The following PCDHGA10 variants were observed in gnomAD, a reference collection of about 807,000 sequenced individuals.
The protein encoded by PCDHGA10 is protocadherin gamma subfamily A, 10.
PCDHGA10 carries 42 observed loss-of-function variants against 59.5 expected under a neutral mutation model. The ratio of observed to expected loss-of-function variants is 0.71; its 90% CI spans 0.55 to 0.91. The LOEUF (loss-of-function observed/expected upper bound fraction) is 0.91, where lower values mean the gene tolerates loss of function less well. Among genes scored for constraint, PCDHGA10 ranks in the 40% least tolerant of loss-of-function variants. The pLI, the probability that PCDHGA10 is intolerant of heterozygous loss-of-function variation, is 0.00. For synonymous variants in PCDHGA10, 511 were observed against 517.2 expected, an observed-to-expected ratio of 0.99 and a Z score of 0.16; for missense variants, 1,111 against 1,198.2, an observed-to-expected ratio of 0.93 and a Z score of 1.07.
At chr5:141,468,428 T>C (rs936671539) in intron 1 of PCDHGA10, 11 of 151,374 alleles carry the variant, frequency 7.3e-5, no homozygotes, top group Non-Finnish European at 1.3e-4. Context: ...AGCAAGGTAA[T>C]AGCAAAATGT....
rs748105196 is a variant in PCDHGA10 at position 141,486,849 on chromosome 5, A to G, written c.2437-7958A>G. ...GTTCGTCTATTTGTGCTGGACCTCA[A>G]TGACAATGCTCCAGCTGTGCTCCGT... is the stretch of plus-strand genomic sequence containing the variant. On this transcript the variant is annotated intron_variant, in intron 1 of 3. Coordinates refer to ENST00000398610, the MANE Select transcript of PCDHGA10 (RefSeq NM_018913.3). The surrounding 1 kb of genome is among the most constrained non-coding windows in gnomAD (Gnocchi z 5.0). 4.3e-6 allele frequency: 7 copies of G among 1,614,110 alleles called. No individual in the cohort carries two copies. The highest frequency in any genetic ancestry group is 5.1e-6 in the Non-Finnish European group (6 of 1,180,036).
chr5:141,492,616 G>A (rs976681246), intron 1 of PCDHGA10, among the ~76,000 whole-genome samples: 1 of 152,252 alleles, frequency 6.6e-6, no homozygotes. Flanking sequence ...CTAAGTGCCG[G>A]GCGGGCAGGA....
In PCDHGA10 at chr5:141,432,399, C is replaced by T. The variant is rs2097496727; in HGVS notation, c.2436+16788C>T. ...CACCCGCCCCTCAGCAGCAACGTGT[C>T]GTTGAGCCTGTTCGTGCTGGACCAG... is the stretch of plus-strand genomic sequence containing the variant. On this transcript the variant is annotated intron_variant, in intron 1 of 3. Coordinates refer to ENST00000398610, the MANE Select transcript of PCDHGA10 (RefSeq NM_018913.3). This position sits in a 1 kb window ranked among gnomAD's most constrained non-coding sequence, Gnocchi z 6.0. 1.2e-6 allele frequency: 2 copies of T among 1,614,240 alleles called. No homozygotes were observed. Among genetic ancestry groups the T allele is most frequent in the Non-Finnish European group, 1.7e-6 (2 of 1,180,040 alleles).
Position 141,481,023 on chromosome 5 carries a change from A to G in PCDHGA10, c.2437-13784A>G, listed in dbSNP as rs546827260. On this transcript the variant is annotated intron_variant, in intron 1 of 3. Transcript: ENST00000398610. ...CAGTGAGCCCAGATCACACCACTGC[A>G]CTCCAGCCTGGGCGACAGAGCGAGA... Among the ~76,000 whole-genome samples the G allele has an allele frequency of 9.0e-4, 137 of 152,218 alleles. 1 individual carries two copies. The highest frequency in any genetic ancestry group is 3.2e-3 in the African/African-American group (132 of 41,516).
intron 1 of PCDHGA10, chr5:141,423,750 TGGGGGG>T: frequency 3.5e-6 from 1 of 287,482 alleles, no homozygotes; most frequent in Non-Finnish European, 4.5e-6. Flanking sequence ...GAAAACTGTT[TGGGGGG>T]GGGGTGGGGC....
chr5:141,417,566 C>G, intron 1 of PCDHGA10: 1 of 362,746 alleles, frequency 2.8e-6, no homozygotes. Context: ...AGAGAAAAGT[C>G]AAGTTGCAGT....
chr5:141,498,294 G>A (rs2099782964), intron 2 of PCDHGA10, among the ~76,000 whole-genome samples: 1 of 151,910 alleles, frequency 6.6e-6, no homozygotes, highest in African/African-American at 2.4e-5. Flanking sequence ...GATCAAGCCA[G>A]CTCTGGGTCA....
rs192631651 is a variant in PCDHGA10, at chr5:141,432,052, C to G, written c.2436+16441C>G. On this transcript the variant is annotated intron_variant, in intron 1 of 3. Transcript: ENST00000398610. The surrounding 1 kb of genome is among the most constrained non-coding windows in gnomAD (Gnocchi z 6.0). Reference sequence around the variant, plus strand: ...CCGCCACTGACCGGGGAACCCCGCCCCTATCCACGGAAACTCATATCTCGC... The same window carrying G: ...CCGCCACTGACCGGGGAACCCCGCCGCTATCCACGGAAACTCATATCTCGC... The G allele has an allele frequency of 8.1e-6, 13 of 1,614,226 alleles. No homozygotes were observed. In the Admixed American group the frequency reaches 1.8e-4, roughly 23 times the overall value.
rs746539261 is a variant in PCDHGA10, at chr5:141,415,336, C to A, written c.2161C>A (p.Arg721=). Residue 721 remains arginine, a synonymous_variant, in exon 1 of 4, where the codon CGG becomes AGG. Transcript: ENST00000398610. ...CATCGTGCTGCTGGCGCACAGGCTG[C>A]GGCGCTGGCACAAGTCACGCCTGCT... ...FVIVLLAHRL[R]RWHKSRLLQA... 7 of 1,614,200 alleles carry A rather than the reference C, an allele frequency of 4.3e-6. 1 individual carries two copies. The South Asian group carries it at 7.7e-5, about 18-fold the overall frequency.
At chr5:141,456,453 A>G (rs1395554812) in intron 1 of PCDHGA10, among the ~76,000 whole-genome samples, 1 of 152,190 alleles carries the variant, frequency 6.6e-6, no homozygotes, top group Non-Finnish European at 1.5e-5. Flanking sequence ...GAGTCCAAAT[A>G]TCAATACAAG....
At chr5:141,502,710 C>T (rs2099815750) in intron 2 of PCDHGA10, among the ~76,000 whole-genome samples, 1 of 152,168 alleles carries the variant, frequency 6.6e-6, no homozygotes, top group South Asian at 2.1e-4. Context: ...GTTTTTACAT[C>T]AGTGATTACA....
rs113107293 is a variant in PCDHGA10, at chr5:141,432,844, A to G, written c.2436+17233A>G. ...CAGACCTCACTCTGTACCTGGTGGTAGCGGTGGCCGCGGTCTCCTGCGTCT... is the reference window on the plus strand; with the variant it reads ...CAGACCTCACTCTGTACCTGGTGGTGGCGGTGGCCGCGGTCTCCTGCGTCT... On this transcript the variant is annotated intron_variant, in intron 1 of 3. Coordinates refer to ENST00000398610, the MANE Select transcript of PCDHGA10 (RefSeq NM_018913.3). This position sits in a 1 kb window ranked among gnomAD's most constrained non-coding sequence, Gnocchi z 6.0. 0.01 allele frequency: 16,860 copies of G among 1,614,178 alleles called. 121 individuals carry two copies. Among genetic ancestry groups the G allele is most frequent in the Non-Finnish European group, 0.012 (14,441 of 1,180,006 alleles).
chr5:141,483,013 A>C (rs2154579792), intron 1 of PCDHGA10, among the ~76,000 whole-genome samples: 1 of 152,106 alleles, frequency 6.6e-6, no homozygotes, highest in Middle Eastern at 3.4e-3. Flanking sequence ...TGAACCCGGG[A>C]GGCAGAGGTT....
At chr5:141,503,089 G>C (rs1352372525) in intron 2 of PCDHGA10, among the ~76,000 whole-genome samples, 2 of 151,590 alleles carry the variant, frequency 1.3e-5, no homozygotes, top group Non-Finnish European at 2.9e-5. Context: ...TCCTGACCTC[G>C]TGGTCTGCCC....
At chr5:141,416,124 AT>A (rs1297389183) in intron 1 of PCDHGA10, 1 of 154,644 alleles carries the variant, frequency 6.5e-6, no homozygotes, top group Non-Finnish European at 1.4e-5. Flanking sequence ...CATTTTATAT[AT>A]TTTTCAATCT....
intron 1 of PCDHGA10, among the ~76,000 whole-genome samples, chr5:141,479,053 A>G (rs534968614): frequency 9.2e-5 from 14 of 152,334 alleles, no homozygotes; most frequent in African/African-American, 3.1e-4. Context: ...TCATTCTCAG[A>G]TAATTTTTTA....
At chr5:141,441,827 A>G (rs1344314632) in intron 1 of PCDHGA10, 1 of 355,628 alleles carries the variant, frequency 2.8e-6, no homozygotes, top group Non-Finnish European at 5.6e-6. Flanking sequence ...CTGGAGCGCA[A>G]TGGCTTCGCG....
At chr5:141,420,213 G>A in intron 1 of PCDHGA10, 1 of 1,611,648 alleles carries the variant, frequency 6.2e-7, no homozygotes, top group Non-Finnish European at 8.5e-7. Flanking sequence ...AACAAAGATA[G>A]CATGCTACTG....
In PCDHGA10 at chr5:141,486,680, T is replaced by A; in HGVS notation, c.2437-8127T>A. The A allele has an allele frequency of 6.2e-7, 1 of 1,614,102 alleles. No homozygotes were observed. Among genetic ancestry groups the A allele is most frequent in the Non-Finnish European group, 8.5e-7 (1 of 1,180,018 alleles). ...CCTGGAGCCCAGGAATCGAGATGTA[T>A]CAGCTTCCTCTTTCATCTCTCTGAA... is the stretch of plus-strand genomic sequence containing the variant. On this transcript the variant is annotated intron_variant, in intron 1 of 3. Coordinates refer to ENST00000398610, the MANE Select transcript of PCDHGA10 (RefSeq NM_018913.3). This position sits in a 1 kb window ranked among gnomAD's most constrained non-coding sequence, Gnocchi z 5.0.
Sources: gnomAD v4.1 joint callset for allele counts (sites outside exome capture counted in the v4.1 genomes callset) on GRCh38, gnomAD v4.1.1 for gene constraint, Gnocchi (gnomAD v3.1) non-coding constraint, MANE v1.5 for transcripts, NCBI Gene and HGNC (gene_info 2026-07-23, HGNC 2026-07-21) for gene names.